CLIC5: variants seen among roughly 807,000 people sequenced by gnomAD.
The protein encoded by CLIC5 is CLIC family member 5, also known as chloride intracellular channel protein 5.
A neutral mutation model predicts 24.7 loss-of-function variants in CLIC5; 20 were observed. That is an observed-to-expected ratio of 0.81 (90% CI 0.57 to 1.18). CLIC5 has a LOEUF of 1.18. Among genes scored for constraint, CLIC5 ranks in the 50% most tolerant of loss-of-function variants. CLIC5 has a pLI of 0.00. For synonymous variants in CLIC5, 159 were observed against 135.6 expected, an observed-to-expected ratio of 1.17 and a Z score of -1.20; for missense variants, 341 against 326.1, an observed-to-expected ratio of 1.05 and a Z score of -0.35.
intron 1 of CLIC5, among the ~76,000 whole-genome samples, chr6:45,994,531 A>G (rs1002019157): frequency 2.0e-5 from 3 of 152,154 alleles, no homozygotes; most frequent in Non-Finnish European, 4.4e-5. Flanking sequence ...GGATGGGTCA[A>G]TAGTTGCAGC....
chr6:46,085,005 T>A (rs1413968341), upstream of CLIC5, among the ~76,000 whole-genome samples: 1 of 152,218 alleles, frequency 6.6e-6, no homozygotes, highest in Non-Finnish European at 1.5e-5. Flanking sequence ...ACTTCCCTTC[T>A]CACTTCATTT....
chr6:45,932,981 G>C (rs1763796509), intron 4 of CLIC5, among the ~76,000 whole-genome samples: 1 of 152,170 alleles, frequency 6.6e-6, no homozygotes, highest in African/African-American at 2.4e-5. Context: ...CATTCAGTGG[G>C]AATGATCATC....
chr6:46,073,368 A>G (rs1270484645), intron 1 of CLIC5, among the ~76,000 whole-genome samples: 2 of 152,214 alleles, frequency 1.3e-5, no homozygotes, highest in Non-Finnish European at 2.9e-5. Flanking sequence ...TAATATATAA[A>G]TCAGCATCAC....
the CLIC5 span, among the ~76,000 whole-genome samples, chr6:46,094,764 C>A: frequency 6.6e-6 from 1 of 152,128 alleles, no homozygotes; most frequent in African/African-American, 2.4e-5. Flanking sequence ...GTGGCTCTAC[C>A]ATTCTGGGGT....
intron 1 of CLIC5, among the ~76,000 whole-genome samples, chr6:45,975,824 A>G (rs1765366113): frequency 6.6e-6 from 1 of 152,220 alleles, no homozygotes; most frequent in Admixed American, 6.5e-5. Context: ...CTTGAAAGGT[A>G]TACAATATAA....
intron 6 of CLIC5, among the ~76,000 whole-genome samples, chr6:45,882,397 T>C (rs1762271465): frequency 6.6e-6 from 1 of 152,274 alleles, no homozygotes; most frequent in Non-Finnish European, 1.5e-5. Context: ...CCAATGGCAA[T>C]GGCCACCACC....
At chr6:45,905,353 T>G (rs1292559011) in intron 5 of CLIC5, among the ~76,000 whole-genome samples, 1 of 151,376 alleles carries the variant, frequency 6.6e-6, no homozygotes, top group Non-Finnish European at 1.5e-5. Flanking sequence ...AAGTGTTCCC[T>G]TTTCTCCACA....
intron 1 of CLIC5, among the ~76,000 whole-genome samples, chr6:46,026,827 A>T (rs1767343599): frequency 1.3e-5 from 2 of 152,124 alleles, no homozygotes; most frequent in African/African-American, 4.8e-5. Context: ...ATATGCTTTT[A>T]GGAAAATACA....
intron 2 of CLIC5, among the ~76,000 whole-genome samples, chr6:45,954,256 G>A (rs1254597208): frequency 8.0e-6 from 1 of 125,630 alleles, no homozygotes; most frequent in East Asian, 2.4e-4. Context: ...CTGAGCAACA[G>A]AGTGAGACTC....
the CLIC5 span, among the ~76,000 whole-genome samples, chr6:46,091,157 A>C: frequency 2.6e-5 from 4 of 152,208 alleles, no homozygotes; most frequent in African/African-American, 9.6e-5. Flanking sequence ...GTATTTTAAC[A>C]CATGTATTGT....
rs150406612 is a variant in CLIC5, at chr6:45,907,429, G to C, written c.589-4174C>G. On this transcript the variant is annotated intron_variant, in intron 5 of 5. Coordinates refer to ENST00000339561, the MANE Select transcript of CLIC5 (RefSeq NM_016929.5). ...ATGTGCTGCTGGATTTGGTTTGCTA[G>C]TATTTTGTTGTGAATTTTTTGTGTC... Among the ~76,000 whole-genome samples the C allele has an allele frequency of 3.3e-3, 496 of 152,252 alleles. 5 individuals carry two copies. Among genetic ancestry groups the C allele is most frequent in the Non-Finnish European group, 4.7e-3 (323 of 68,010 alleles).
intron 2 of CLIC5, among the ~76,000 whole-genome samples, chr6:45,952,764 C>T (rs558832928): frequency 2.2e-4 from 33 of 152,278 alleles, no homozygotes; most frequent in African/African-American, 7.0e-4. Context: ...CCATCTGAAG[C>T]ACGCGGGCAG....
At chr6:46,019,102 G>C (rs116257893), upstream of CLIC5, among the ~76,000 whole-genome samples, 188 of 147,142 alleles carry the variant, frequency 1.3e-3, 2 homozygotes, top group African/African-American at 4.4e-3. Flanking sequence ...AAAGCCAACA[G>C]ATAAGCTAAA....
chr6:46,112,029 C>T, the CLIC5 span, among the ~76,000 whole-genome samples: 1 of 152,136 alleles, frequency 6.6e-6, no homozygotes, highest in African/African-American at 2.4e-5. Context: ...ATTAACCAGT[C>T]TCAAGTATGT....
At chr6:45,910,019 T>G (rs1462040274) in intron 5 of CLIC5, among the ~76,000 whole-genome samples, 1 of 152,252 alleles carries the variant, frequency 6.6e-6, no homozygotes, top group Non-Finnish European at 1.5e-5. Context: ...GTTGCAGACA[T>G]GTTCACAGAC....
intron 1 of CLIC5, among the ~76,000 whole-genome samples, chr6:45,959,808 T>C (rs1260563836): frequency 6.6e-6 from 1 of 152,246 alleles, no homozygotes; most frequent in Non-Finnish European, 1.5e-5. Context: ...AAAGAGCTTA[T>C]GTGCATTTCC....
At chr6:46,048,936 TAATTTGAGAATTCA>T (rs912790986) in intron 1 of CLIC5, among the ~76,000 whole-genome samples, 1 of 152,204 alleles carries the variant, frequency 6.6e-6, no homozygotes, top group Admixed American at 6.5e-5. Flanking sequence ...AGACAAAATC[TAATTTGAGAATTCA>T]AATTTGAGAA....
intron 1 of CLIC5, among the ~76,000 whole-genome samples, chr6:46,060,668 G>A (rs1244121938): frequency 6.6e-6 from 1 of 152,154 alleles, no homozygotes; most frequent in African/African-American, 2.4e-5. Flanking sequence ...GTAGGACAAT[G>A]TAATTGCTGA....
chr6:46,053,205 T>C (rs1258520342), intron 1 of CLIC5, among the ~76,000 whole-genome samples: 1 of 152,042 alleles, frequency 6.6e-6, no homozygotes, highest in East Asian at 1.9e-4. Flanking sequence ...GATACACATA[T>C]GCATTCAGTA....
Sources: gnomAD v4.1 joint callset for allele counts (sites outside exome capture counted in the v4.1 genomes callset) on GRCh38, gnomAD v4.1.1 for gene constraint, MANE v1.5 for transcripts, NCBI Gene and HGNC (gene_info 2026-07-23, HGNC 2026-07-21) for gene names.